Variants in DLGAP1 observed in about 807,000 individuals in gnomAD.
DLGAP1 encodes the protein DLG associated protein 1.
In DLGAP1, 11 loss-of-function variants were observed where a neutral mutation model predicts 90.8. The observed-to-expected ratio is 0.12, with a 90% confidence interval of 0.08 to 0.20. The LOEUF is 0.20. DLGAP1 is among the 10% of genes least tolerant of loss of function. DLGAP1 has a pLI of 1.00. For synonymous variants in DLGAP1, 558 were observed against 540.7 expected, an observed-to-expected ratio of 1.03 and a Z score of -0.44; for missense variants, 1,050 against 1,333.8, an observed-to-expected ratio of 0.79 and a Z score of 3.31.
chr18:4,008,993 T>C (rs1018356559), intron 2 of DLGAP1, among the ~76,000 whole-genome samples: 2 of 152,154 alleles, frequency 1.3e-5, no homozygotes, highest in Non-Finnish European at 2.9e-5. Context: ...AAGCTCTGCC[T>C]CCCGGGTTCA....
In DLGAP1 at chr18:3,499,499, T is replaced by C. The variant is rs1389364168; in HGVS notation, c.2725-105A>G. On this transcript the variant is annotated intron_variant, in intron 12 of 12. Coordinates refer to ENST00000315677, the MANE Select transcript of DLGAP1 (RefSeq NM_004746.4). This position sits in a 1 kb window ranked among gnomAD's most constrained non-coding sequence, Gnocchi z 6.4. The stretch of plus-strand genomic sequence containing the variant: ...GAACACACAGTTTTTTACCTAGGGG[T>C]GGTTAGTTCTGATCTGCACACTGCA... 2 of 1,208,180 alleles carry C rather than the reference T, an allele frequency of 1.7e-6. No homozygotes were observed. Among genetic ancestry groups the C allele is most frequent in the African/African-American group, 1.6e-5 (1 of 63,936 alleles). 74.8% of individuals were successfully genotyped at this position (1,208,180 alleles called of 1,614,324 possible). A position where few individuals can be genotyped will look rare whatever the true frequency, so the allele number is the denominator to read the frequency against.
intron 5 of DLGAP1, among the ~76,000 whole-genome samples, chr18:3,747,769 T>C (rs565914757): frequency 6.6e-6 from 1 of 152,322 alleles, no homozygotes; most frequent in East Asian, 1.9e-4. Flanking sequence ...CAGAAGGAAT[T>C]GAATAGTTCT....
intron 2 of DLGAP1, among the ~76,000 whole-genome samples, chr18:4,087,096 T>TACATACAC (rs1467334325): frequency 1.6e-4 from 15 of 94,994 alleles, no homozygotes; most frequent in Non-Finnish European, 2.4e-4. Flanking sequence ...TATATATGTA[T>TACATACAC]ATATGTGCTA....
At chr18:3,594,881 CT>C (rs2056488208) in intron 7 of DLGAP1, among the ~76,000 whole-genome samples, 1 of 152,172 alleles carries the variant, frequency 6.6e-6, no homozygotes, top group South Asian at 2.1e-4. Flanking sequence ...ATGCAGACAC[CT>C]TTCTCTCAGG....
At chr18:3,765,118 TTTTTTTTTTTTC>T (rs1568094124) in intron 5 of DLGAP1, among the ~76,000 whole-genome samples, 2 of 125,166 alleles carry the variant, frequency 1.6e-5, no homozygotes, top group East Asian at 3.0e-4. Flanking sequence ...ACTTGCAAAC[TTTTTTTTTTTTC>T]TTTTTTTTTT....
intron 1 of DLGAP1, among the ~76,000 whole-genome samples, chr18:4,282,095 G>T (rs895173205): frequency 6.6e-6 from 1 of 152,010 alleles, no homozygotes; most frequent in Non-Finnish European, 1.5e-5. Flanking sequence ...CTGGGTGAAG[G>T]GGCTCACGCC....
chr18:4,269,555 C>G (rs566796821), intron 1 of DLGAP1, among the ~76,000 whole-genome samples: 2 of 151,616 alleles, frequency 1.3e-5, no homozygotes, highest in Non-Finnish European at 2.9e-5. Context: ...GGGGTTTCAC[C>G]GTGTTAGCCA....
At chr18:3,921,325 G>A (rs1377903887) in intron 3 of DLGAP1, among the ~76,000 whole-genome samples, 1 of 152,106 alleles carries the variant, frequency 6.6e-6, no homozygotes, top group Admixed American at 6.6e-5. Flanking sequence ...AAAATAAATG[G>A]GTATGTGTGC....
At chr18:4,413,132 CTT>C (rs1367981088) in intron 1 of DLGAP1, among the ~76,000 whole-genome samples, 1 of 152,102 alleles carries the variant, frequency 6.6e-6, no homozygotes, top group Non-Finnish European at 1.5e-5. Flanking sequence ...ATCTGGATCA[CTT>C]TACCTCGTTA....
intron 1 of DLGAP1, among the ~76,000 whole-genome samples, chr18:4,249,193 C>T (rs2078722902): frequency 6.6e-6 from 1 of 152,132 alleles, no homozygotes; most frequent in Non-Finnish European, 1.5e-5. Flanking sequence ...ATACTCCCTC[C>T]AGATGTGAAC....
intron 7 of DLGAP1, among the ~76,000 whole-genome samples, chr18:3,667,473 C>G (rs2059925848): frequency 6.6e-6 from 1 of 152,088 alleles, no homozygotes; most frequent in African/African-American, 2.4e-5. Context: ...AGTAAACACC[C>G]TTTAAGTGTT....
Position 3,865,791 on chromosome 18 carries a change from C to T in DLGAP1, c.957+13321G>A, listed in dbSNP as rs116710225. On this transcript the variant is annotated intron_variant, in intron 4 of 12. Transcript: ENST00000315677. ...GTCAGAACGGCTACCCCAGAAACTT[C>T]CAGAAATAAAGACAATGTAAGAAGA... 6.8e-3 allele frequency among the ~76,000 whole-genome samples: 1,030 copies of T among 152,226 alleles called. 13 individuals are homozygous for T. Among genetic ancestry groups the T allele is most frequent in the African/African-American group, 0.023 (953 of 41,532 alleles).
chr18:3,858,490 ACG>A (rs2069801029), intron 4 of DLGAP1, among the ~76,000 whole-genome samples: 1 of 148,076 alleles, frequency 6.8e-6, no homozygotes, highest in Admixed American at 6.8e-5. Context: ...ATATATATAT[ACG>A]TGTATATATA....
intron 7 of DLGAP1, among the ~76,000 whole-genome samples, chr18:3,656,809 G>A (rs1049311065): frequency 5.9e-5 from 9 of 151,514 alleles, no homozygotes; most frequent in African/African-American, 2.2e-4. Flanking sequence ...CTCGGATCTT[G>A]GATCTCGGCT....
chr18:4,298,653 C>T (rs1045681875), intron 1 of DLGAP1, among the ~76,000 whole-genome samples: 107 of 151,978 alleles, frequency 7.0e-4, no homozygotes, highest in African/African-American at 2.5e-3. Context: ...GGGAAAGCAT[C>T]GGGAGATATA....
At chr18:3,830,834 G>A (rs897095203) in intron 4 of DLGAP1, among the ~76,000 whole-genome samples, 1 of 152,170 alleles carries the variant, frequency 6.6e-6, no homozygotes, top group African/African-American at 2.4e-5. Flanking sequence ...GTCTGGCAGA[G>A]ACCAATATTC....
intron 1 of DLGAP1, among the ~76,000 whole-genome samples, chr18:4,244,324 C>T (rs1314920700): frequency 6.6e-6 from 1 of 151,996 alleles, no homozygotes; most frequent in African/African-American, 2.4e-5. Flanking sequence ...TTCCATTTAC[C>T]AAAAATTACA....
chr18:3,748,154 A>C (rs549506232), intron 5 of DLGAP1, among the ~76,000 whole-genome samples: 1 of 152,246 alleles, frequency 6.6e-6, no homozygotes, highest in Non-Finnish European at 1.5e-5. Flanking sequence ...AGCTTATCAG[A>C]ACTAAAGGGA....
In DLGAP1 at chr18:3,845,333, C is replaced by T. The variant is rs773275782; in HGVS notation, c.958-31060G>A. ...TAGTGCAGCTGAGAGCATTTAGCTT[C>T]TCTCTATGATTTGCCGATTCTAAGT... On this transcript the variant is annotated intron_variant, in intron 4 of 12. Transcript: ENST00000315677. 11 of 1,583,110 alleles carry T rather than the reference C, an allele frequency of 6.9e-6. 2 individuals are homozygous for T. Among genetic ancestry groups the T allele is most frequent in the Middle Eastern group, 3.4e-4 (2 of 5,970 alleles).
Sources: allele counts gnomAD v4.1 joint callset (sites outside exome capture counted in the v4.1 genomes callset), GRCh38; gene constraint gnomAD v4.1.1; non-coding constraint Gnocchi (gnomAD v3.1); transcripts MANE v1.5; gene names NCBI Gene and HGNC (gene_info 2026-07-23, HGNC 2026-07-21).